PIAS1: variants seen among roughly 807,000 people sequenced by gnomAD.
The protein encoded by PIAS1 is protein inhibitor of activated STAT 1, also known as E3 SUMO-protein ligase PIAS1.
Under a neutral mutation model 71.3 loss-of-function variants are expected in PIAS1, and 6 were observed. The ratio of observed to expected loss-of-function variants is 0.08; its 90% CI spans 0.05 to 0.17. The LOEUF (loss-of-function observed/expected upper bound fraction) is 0.17. Ranked by LOEUF, PIAS1 falls within the 10% of genes least tolerant of loss-of-function variation. The pLI is 1.00. For synonymous variants in PIAS1, 303 were observed against 292.9 expected, an observed-to-expected ratio of 1.03 and a Z score of -0.35; for missense variants, 555 against 793.6, an observed-to-expected ratio of 0.70 and a Z score of 3.61.
intron 1 of PIAS1, among the ~76,000 whole-genome samples, chr15:68,080,071 GTC>G (rs980075406): frequency 2.6e-5 from 4 of 151,874 alleles, no homozygotes; most frequent in African/African-American, 9.7e-5. Context: ...ACCTCAAGTG[GTC>G]TGCCTGTCTC....
chr15:68,082,604 T>C (rs2092239203), intron 1 of PIAS1, among the ~76,000 whole-genome samples: 1 of 152,160 alleles, frequency 6.6e-6, no homozygotes. Context: ...GCTGTGAATA[T>C]TATTTACAGC....
At chr15:68,153,557 T>C in intron 6 of PIAS1, 33 bp from the exon 7 acceptor site, 1 of 951,334 alleles carries the variant, frequency 1.1e-6, no homozygotes. Flanking sequence ...TACTTACATA[T>C]GTTGTTTGTT....
intron 11 of PIAS1, 79 bp from the exon 12 acceptor site, chr15:68,181,133 T>G: frequency 1.8e-5 from 22 of 1,242,988 alleles, no homozygotes; most frequent in South Asian, 2.6e-5. Context: ...GGGTTCATTG[T>G]GAGATACAAC....
chr15:68,098,473 G>T (rs951992172), intron 2 of PIAS1, among the ~76,000 whole-genome samples: 2 of 152,186 alleles, frequency 1.3e-5, no homozygotes, highest in Non-Finnish European at 2.9e-5. Context: ...GAAAATCTGT[G>T]TATAAATGGA....
chr15:68,187,711 G>A lies in PIAS1; in HGVS notation c.1832G>A (p.Ser611Asn). The A allele has an allele frequency of 1.2e-6, 2 of 1,614,000 alleles. No homozygotes were observed. Among genetic ancestry groups the A allele is most frequent in the South Asian group, 1.1e-5 (1 of 91,082 alleles). ...LPTTNGSSSG[S>N]NSSLVSSNSL... ...ACCACCAATGGAAGCAGTAGTGGCA[G>A]TAACAGCAGCCTGGTTTCTTCCAAC... Residue 611 changes from serine (S) to asparagine (N), a missense_variant, in exon 14 of 14, where the codon AGT becomes AAT. Ser to Asn is a conservative substitution (Grantham distance 46). This residue lies in a region of PIAS1 where 244 missense variants were observed against 307.5 expected (regional missense o/e 0.79). Transcript: ENST00000249636. The surrounding 1 kb of genome is among the most constrained non-coding windows in gnomAD (Gnocchi z 5.3).
At position 68,173,724 on chromosome 15, in the gene PIAS1, T is replaced by A. The variant is rs756209478; in HGVS notation, c.1009-8T>A. The A allele has an allele frequency of 6.6e-7, 1 of 1,514,634 alleles. No homozygotes were observed. Among genetic ancestry groups the A allele is most frequent in the Non-Finnish European group, 8.9e-7 (1 of 1,121,306 alleles). 93.8% of individuals were successfully genotyped at this position (1,514,634 alleles called of 1,614,324 possible). A position where few individuals can be genotyped will look rare whatever the true frequency, so the allele number is the denominator to read the frequency against. On this transcript the variant is annotated splice_region_variant and splice_polypyrimidine_tract_variant and intron_variant, in intron 8 of 13. Coordinates refer to ENST00000249636, the MANE Select transcript of PIAS1 (RefSeq NM_016166.3). The surrounding 1 kb of genome is among the most constrained non-coding windows in gnomAD (Gnocchi z 4.3). Reference sequence around the variant, plus strand: ...TATCTAATATTTACTTTTTCTCCCTTTTTAAAGCTTGGTAAAATGCGGCTG... The same window carrying A: ...TATCTAATATTTACTTTTTCTCCCTATTTAAAGCTTGGTAAAATGCGGCTG...
At chr15:68,064,423 T>G (rs569308327) in intron 1 of PIAS1, among the ~76,000 whole-genome samples, 4 of 152,358 alleles carry the variant, frequency 2.6e-5, no homozygotes, top group African/African-American at 9.6e-5. Flanking sequence ...TTGGAAGAAC[T>G]GCATAACTCA....
At chr15:68,145,544 G>A (rs147258174) in intron 4 of PIAS1, among the ~76,000 whole-genome samples, 8 of 152,172 alleles carry the variant, frequency 5.3e-5, no homozygotes, top group African/African-American at 1.9e-4. Flanking sequence ...GAAGAAACTA[G>A]TGCTTCTCAG....
Position 68,054,542 on chromosome 15 carries a change from T to G in PIAS1, c.24+192T>G. ...CGGCGGGCCGCGGGCCCCGGGTGCCTCGGGGGCGCTGACGGGTCGTCCCCG... is the reference window on the plus strand; with the variant it reads ...CGGCGGGCCGCGGGCCCCGGGTGCCGCGGGGGCGCTGACGGGTCGTCCCCG... On this transcript the variant is annotated intron_variant, in intron 1 of 13. Transcript: ENST00000249636. The surrounding 1 kb of genome is among the most constrained non-coding windows in gnomAD (Gnocchi z 4.6). The G allele has an allele frequency of 4.0e-6, 2 of 503,770 alleles. No homozygotes were observed. The highest frequency in any genetic ancestry group is 7.0e-6 in the Non-Finnish European group (2 of 287,598). 31.2% of individuals were successfully genotyped at this position (503,770 alleles called of 1,614,324 possible).
At position 68,192,444 on chromosome 15, in the gene PIAS1, G is replaced by A. The variant is rs1012170107; in HGVS notation, c.*4609G>A. 1 of 152,160 alleles carries A rather than the reference G, an allele frequency of 6.6e-6. No individual in the cohort carries two copies. The highest frequency in any genetic ancestry group is 1.5e-5 in the Non-Finnish European group (1 of 68,048). 9.4% of individuals were successfully genotyped at this position (152,160 alleles called of 1,614,324 possible). A position where few individuals can be genotyped will look rare whatever the true frequency, so the allele number is the denominator to read the frequency against. Reference sequence around the variant, plus strand: ...CCCACAAAACATCTGCTCCTACACTGTGTGGACCTGGGCTTCCCAGCCAGA... The same window carrying A: ...CCCACAAAACATCTGCTCCTACACTATGTGGACCTGGGCTTCCCAGCCAGA... On this transcript the variant is annotated 3_prime_UTR_variant, in exon 14 of 14. Transcript: ENST00000249636.
chr15:68,180,319 A>G (rs1011388414), intron 11 of PIAS1, among the ~76,000 whole-genome samples: 5 of 151,812 alleles, frequency 3.3e-5, no homozygotes, highest in Admixed American at 6.6e-5. Context: ...AGGCTGGGCA[A>G]CTTCTGGGCT....
At chr15:68,170,908 T>G (rs1002798613) in intron 8 of PIAS1, among the ~76,000 whole-genome samples, 21 of 152,194 alleles carry the variant, frequency 1.4e-4, no homozygotes, top group African/African-American at 5.1e-4. Flanking sequence ...CCCAAAGGGC[T>G]GGGATTACTG....
intron 2 of PIAS1, among the ~76,000 whole-genome samples, chr15:68,127,359 T>A (rs11631762): frequency 0.04 from 6,029 of 152,254 alleles, 138 homozygotes; most frequent in African/African-American, 0.056. Context: ...AGAGGATGAA[T>A]GGACCTGGGG....
Position 68,185,975 on chromosome 15 carries a change from A to ACAAT in PIAS1, c.1663-1564_1663-1563insTCAA, listed in dbSNP as rs927768649. 1.3e-5 allele frequency among the ~76,000 whole-genome samples: 2 copies of ACAAT among 151,242 alleles called. No homozygotes were observed. The highest frequency in any genetic ancestry group is 4.9e-5 in the African/African-American group (2 of 41,114). On this transcript the variant is annotated intron_variant, in intron 13 of 13. Transcript: ENST00000249636. This position sits in a 1 kb window ranked among gnomAD's most constrained non-coding sequence, Gnocchi z 4.4. ...AGCGAGACTCCATCTCAAAAACAAA[A>ACAAT]CAAACAAAAAAAACATGGGCCCTAA...
Position 68,086,743 on chromosome 15 carries a change from C to T in PIAS1, c.462C>T (p.Thr154=). The change falls in exon 2 of 14, where the codon ACC becomes ACT. Residue 154 remains threonine, a synonymous_variant. Transcript: ENST00000249636. This position sits in a 1 kb window ranked among gnomAD's most constrained non-coding sequence, Gnocchi z 7.2. The stretch of plus-strand genomic sequence containing the variant: ...TACTGGATGAACTGATAAAACCCAC[C>T]AGTCTAGGTAAGATTATTGTATGAT... ...YDLLDELIKP[T]SLASDNSQRF... is the part of the protein sequence containing the mutation. The T allele has an allele frequency of 6.3e-7, 1 of 1,598,816 alleles. No homozygotes were observed. Among genetic ancestry groups the T allele is most frequent in the South Asian group, 1.1e-5 (1 of 90,688 alleles).
rs1301419882 is a variant in PIAS1 at position 68,174,956 on chromosome 15, G to A, written c.1170-681G>A. Among the ~76,000 whole-genome samples, 1 of 152,114 alleles carries A rather than the reference G, an allele frequency of 6.6e-6. No homozygotes were observed. Among genetic ancestry groups the A allele is most frequent in the Non-Finnish European group, 1.5e-5 (1 of 68,016 alleles). The stretch of plus-strand genomic sequence containing the variant: ...ATTTTCCAACTTTATATGTTACATA[G>A]CTTTAGGTTCTCCCATTTCTTGTTA... On this transcript the variant is annotated intron_variant, in intron 9 of 13. Coordinates refer to ENST00000249636, the MANE Select transcript of PIAS1 (RefSeq NM_016166.3). The surrounding 1 kb of genome is among the most constrained non-coding windows in gnomAD (Gnocchi z 4.0).
chr15:68,179,566 T>A, intron 11 of PIAS1, among the ~76,000 whole-genome samples: 1 of 47,202 alleles, frequency 2.1e-5, no homozygotes, highest in East Asian at 6.4e-4. Context: ...GAAATGTTCT[T>A]TTTTTTTTTT....
chr15:68,171,582 T>C lies in PIAS1; in HGVS notation c.1009-2150T>C, dbSNP rs2092992056. On this transcript the variant is annotated intron_variant, in intron 8 of 13. Transcript: ENST00000249636. The surrounding 1 kb of genome is among the most constrained non-coding windows in gnomAD (Gnocchi z 4.4). ...TCCCTCCAGGTTATACTTCTGATACTGTAAACTGGCATTGCTCTAGTCTCA... is the reference window on the plus strand; with the variant it reads ...TCCCTCCAGGTTATACTTCTGATACCGTAAACTGGCATTGCTCTAGTCTCA... Among the ~76,000 whole-genome samples, 1 of 152,234 alleles carries C rather than the reference T, an allele frequency of 6.6e-6. No homozygotes were observed. The highest frequency in any genetic ancestry group is 1.5e-5 in the Non-Finnish European group (1 of 68,042).
rs768330739 is a variant in PIAS1, at chr15:68,086,747, C to G, written c.466C>G (p.Leu156Val). The G allele has an allele frequency of 1.9e-6, 3 of 1,592,254 alleles. No homozygotes were observed. The Admixed American group carries it at 5.0e-5, about 27-fold the overall frequency. ...LLDELIKPTSLASDNSQRFRE... is the reference protein window; with the variant it reads ...LLDELIKPTSVASDNSQRFRE... ...GGATGAACTGATAAAACCCACCAGTCTAGGTAAGATTATTGTATGATAGTA... is the reference window on the plus strand; with the variant it reads ...GGATGAACTGATAAAACCCACCAGTGTAGGTAAGATTATTGTATGATAGTA... Residue 156 changes from leucine (L) to valine (V), a missense_variant, in exon 2 of 14, where the codon CTA (leucine) becomes GTA (valine). Transcript: ENST00000249636. The surrounding 1 kb of genome is among the most constrained non-coding windows in gnomAD (Gnocchi z 7.2).
Sources: allele counts gnomAD v4.1 joint callset (sites outside exome capture counted in the v4.1 genomes callset), GRCh38; gene constraint gnomAD v4.1.1; regional missense constraint gnomAD v4.1.1; non-coding constraint Gnocchi (gnomAD v3.1); transcripts MANE v1.5; gene names NCBI Gene and HGNC (gene_info 2026-07-23, HGNC 2026-07-21).